TBC1D1: variants seen among roughly 807,000 people sequenced by gnomAD.
TBC1D1 encodes the protein TBC1 (tre-2/USP6, BUB2, cdc16) domain family, member 1.
Under a neutral mutation model 125.6 loss-of-function variants are expected in TBC1D1, and 89 were observed. The observed-to-expected ratio is 0.71, with a 90% CI of 0.60 to 0.85. TBC1D1 has a LOEUF of 0.85. Among genes scored for constraint, TBC1D1 ranks in the 40% least tolerant of loss-of-function variants. The probability of loss-of-function intolerance (pLI) is 0.00; values close to 1 mark genes in which losing one functional copy is unlikely to be tolerated. For synonymous variants in TBC1D1, 565 were observed against 564.1 expected, an observed-to-expected ratio of 1.00 and a Z score of -0.02; for missense variants, 1,377 against 1,469.2, an observed-to-expected ratio of 0.94 and a Z score of 1.03.
intron 12 of TBC1D1, among the ~76,000 whole-genome samples, chr4:38,076,430 G>A (rs1755610102): frequency 6.6e-6 from 1 of 152,114 alleles, no homozygotes; most frequent in East Asian, 1.9e-4. Flanking sequence ...CGCATGTCTG[G>A]CCCTGATCCC....
chr4:38,052,710 A>ACGCG (rs1364994952), intron 11 of TBC1D1, among the ~76,000 whole-genome samples: 2 of 86,474 alleles, frequency 2.3e-5, no homozygotes, highest in African/African-American at 5.3e-5. Flanking sequence ...ATATACACAC[A>ACGCG]CACGCGCGCG....
At chr4:38,125,697 T>C (rs542447916) in intron 18 of TBC1D1, among the ~76,000 whole-genome samples, 5 of 152,202 alleles carry the variant, frequency 3.3e-5, no homozygotes, top group African/African-American at 4.8e-5. Flanking sequence ...TCTGAAGTGT[T>C]AGAGGCTGAG....
intron 2 of TBC1D1, among the ~76,000 whole-genome samples, chr4:37,991,088 C>T (rs1044676893): frequency 6.6e-6 from 1 of 152,102 alleles, no homozygotes; most frequent in Non-Finnish European, 1.5e-5. Context: ...GTGGTGAAGG[C>T]AGTCACAGAG....
chr4:38,017,171 T>C (rs1742925651), intron 3 of TBC1D1, among the ~76,000 whole-genome samples: 1 of 152,166 alleles, frequency 6.6e-6, no homozygotes, highest in Admixed American at 6.5e-5. Flanking sequence ...TTATGAGATT[T>C]TCAAAGGTTA....
intron 2 of TBC1D1, among the ~76,000 whole-genome samples, chr4:37,944,648 A>G (rs1726283341): frequency 1.3e-5 from 2 of 152,204 alleles, no homozygotes; most frequent in South Asian, 4.1e-4. Context: ...TGCGGGACAT[A>G]ATCTCCTGGT....
chr4:37,972,798 A>C (rs1465601970), intron 2 of TBC1D1, among the ~76,000 whole-genome samples: 2 of 150,774 alleles, frequency 1.3e-5, no homozygotes, highest in African/African-American at 4.9e-5. Flanking sequence ...GCTACTCAGG[A>C]GGCTGAGGCA....
At chr4:37,962,240 C>T (rs1253825334) in intron 2 of TBC1D1, among the ~76,000 whole-genome samples, 1 of 152,214 alleles carries the variant, frequency 6.6e-6, no homozygotes, top group African/African-American at 2.4e-5. Flanking sequence ...AGCTCCTACC[C>T]AGCCATTGTC....
At position 38,023,812 on chromosome 4, in the gene TBC1D1, A is replaced by G. The variant is rs1335774042; in HGVS notation, c.1210+2094A>G. On this transcript the variant is annotated intron_variant, in intron 6 of 19. Transcript: ENST00000261439. ...AATATCTGTTGAAGTTCCTGCTTTC[A>G]ATTCTTTCGGTTATATATCCAGAAA... is the stretch of plus-strand genomic sequence containing the variant. 6.7e-4 allele frequency among the ~76,000 whole-genome samples: 102 copies of G among 152,148 alleles called. 1 individual carries two copies. Among genetic ancestry groups the G allele is most frequent in the Admixed American group, 6.7e-3 (102 of 15,276 alleles).
rs537338469 is a variant in TBC1D1, at chr4:37,912,996, TGA to T, written c.417+10489_417+10490del. ...TGGAGTGAAGGATGGAATAGAGGGA[TGA>T]GAGACAGATGAGGGAAACTAGTTAG... On this transcript the variant is annotated intron_variant, in intron 2 of 19. Coordinates refer to ENST00000261439, the MANE Select transcript of TBC1D1 (RefSeq NM_015173.4). 2.0e-3 allele frequency among the ~76,000 whole-genome samples: 307 copies of T among 152,312 alleles called. 3 individuals are homozygous for T. Among genetic ancestry groups the T allele is most frequent in the African/African-American group, 7.1e-3 (297 of 41,560 alleles).
At chr4:37,927,679 G>A (rs917769045) in intron 2 of TBC1D1, among the ~76,000 whole-genome samples, 3 of 152,238 alleles carry the variant, frequency 2.0e-5, no homozygotes, top group African/African-American at 7.2e-5. Context: ...GTGATGCAGA[G>A]TGAAGCTGAG....
chr4:38,112,377 T>C (rs1762328190), intron 15 of TBC1D1, among the ~76,000 whole-genome samples: 2 of 152,248 alleles, frequency 1.3e-5, no homozygotes, highest in African/African-American at 4.8e-5. Context: ...TTTGCATTTG[T>C]GCTACAGAAC....
At chr4:37,992,435 A>G (rs943090849) in intron 2 of TBC1D1, among the ~76,000 whole-genome samples, 1 of 152,120 alleles carries the variant, frequency 6.6e-6, no homozygotes, top group Non-Finnish European at 1.5e-5. Context: ...GGCCTATTTT[A>G]AGGAAAAGAG....
chr4:37,959,061 T>C (rs1334336239), intron 2 of TBC1D1, among the ~76,000 whole-genome samples: 2 of 152,180 alleles, frequency 1.3e-5, no homozygotes, highest in Non-Finnish European at 2.9e-5. Context: ...GCTAGCTGTG[T>C]CAGGTTAAGA....
chr4:38,045,983 A>G, intron 10 of TBC1D1, 80 bp downstream of exon 10: 1 of 1,251,410 alleles, frequency 8.0e-7, no homozygotes, highest in Non-Finnish European at 1.2e-6. Flanking sequence ...CATACCTCCA[A>G]TCATAAAACG....
intron 5 of TBC1D1, among the ~76,000 whole-genome samples, chr4:38,021,088 C>T (rs1743913576): frequency 6.6e-6 from 1 of 152,290 alleles, no homozygotes; most frequent in African/African-American, 2.4e-5. Context: ...TTAATGGACT[C>T]ATAGTTCCAC....
At chr4:38,021,304 CAT>C (rs1450232047) in intron 5 of TBC1D1, among the ~76,000 whole-genome samples, 2 of 152,304 alleles carry the variant, frequency 1.3e-5, no homozygotes, top group East Asian at 1.9e-4. Context: ...CCTCCCATGA[CAT>C]ATGGGAATTA....
chr4:38,046,439 A>G (rs1027050525), intron 10 of TBC1D1, among the ~76,000 whole-genome samples: 5 of 151,802 alleles, frequency 3.3e-5, no homozygotes, highest in African/African-American at 1.2e-4. Flanking sequence ...CAGAAAGTGG[A>G]TTTGTGAATT....
At chr4:37,924,292 T>C (rs538497144) in intron 2 of TBC1D1, among the ~76,000 whole-genome samples, 2 of 152,232 alleles carry the variant, frequency 1.3e-5, no homozygotes, top group Non-Finnish European at 2.9e-5. Flanking sequence ...GCCTATACTT[T>C]GTTTGTATGA....
chr4:37,961,159 T>G, intron 2 of TBC1D1: 1 of 1,089,632 alleles, frequency 9.2e-7, no homozygotes, highest in Non-Finnish European at 1.3e-6. Flanking sequence ...TGTGCATCTG[T>G]CTCAGCTGTC....
Sources: allele counts gnomAD v4.1 joint callset (sites outside exome capture counted in the v4.1 genomes callset), GRCh38; gene constraint gnomAD v4.1.1; transcripts MANE v1.5; gene names NCBI Gene and HGNC (gene_info 2026-07-23, HGNC 2026-07-21).